Variants in SEMA5B observed in about 807,000 individuals in gnomAD.
The protein encoded by SEMA5B is semaphorin-5B.
Under a neutral mutation model 135.0 loss-of-function variants are expected in SEMA5B, and 66 were observed. The ratio of observed to expected loss-of-function variants is 0.49; its 90% CI spans 0.40 to 0.60. The LOEUF is 0.60. Among genes scored for constraint, SEMA5B ranks in the 20% least tolerant of loss-of-function variants. The pLI is 0.00. For missense variants in SEMA5B, 1,501 were observed against 1,566.3 expected (o/e 0.96, Z 0.70); for synonymous variants, 690 against 639.5 (o/e 1.08, Z -1.19).
chr3:122,989,831 A>G (rs1437550115), intron 1 of SEMA5B, among the ~76,000 whole-genome samples: 1 of 152,158 alleles, frequency 6.6e-6, no homozygotes, highest in African/African-American at 2.4e-5. Flanking sequence ...GGTCAGAAAA[A>G]GAGGAGAAGG....
intron 5 of SEMA5B, 132 bp downstream of exon 5, chr3:122,939,293 C>A: frequency 2.8e-6 from 2 of 719,684 alleles, no homozygotes; most frequent in Non-Finnish European, 2.5e-6. Context: ...AGTCCATGGC[C>A]AGTGAAAAGA....
intron 3 of SEMA5B, among the ~76,000 whole-genome samples, chr3:122,946,984 A>T (rs1353319398): frequency 6.6e-6 from 1 of 152,086 alleles, no homozygotes; most frequent in Non-Finnish European, 1.5e-5. Context: ...ATTTGCACAG[A>T]TGGAGACCTG....
At chr3:122,953,862 C>G (rs1003980958) in intron 2 of SEMA5B, among the ~76,000 whole-genome samples, 2 of 152,138 alleles carry the variant, frequency 1.3e-5, no homozygotes, top group Non-Finnish European at 2.9e-5. Context: ...AGGGGTAGGC[C>G]CCAGCAGCCT....
At chr3:122,932,243 ATTTTTTTTTTT>A (rs71136597) in intron 5 of SEMA5B, among the ~76,000 whole-genome samples, 2,218 of 85,392 alleles carry the variant, frequency 0.026, 44 homozygotes, top group Middle Eastern at 0.039. Context: ...TCTCAATATG[ATTTTTTTTTTT>A]TTTTTTTTTT....
At chr3:122,968,267 A>T (rs1001988094) in intron 1 of SEMA5B, among the ~76,000 whole-genome samples, 2 of 152,192 alleles carry the variant, frequency 1.3e-5, no homozygotes, top group African/African-American at 4.8e-5. Context: ...TTCTGCATCT[A>T]TGCCACTCCT....
chr3:122,976,727 A>C (rs1466196280), intron 1 of SEMA5B, among the ~76,000 whole-genome samples: 1 of 152,208 alleles, frequency 6.6e-6, no homozygotes, highest in African/African-American at 2.4e-5. Flanking sequence ...GACATCATAT[A>C]CATCACACAA....
chr3:122,984,648 TACGC>T (rs778857389), intron 1 of SEMA5B, among the ~76,000 whole-genome samples: 3 of 152,088 alleles, frequency 2.0e-5, no homozygotes, highest in Non-Finnish European at 2.9e-5. Context: ...GGGTAATGGG[TACGC>T]TAGAAGCCCA....
At chr3:122,965,792 G>A (rs1940791445) in intron 1 of SEMA5B, among the ~76,000 whole-genome samples, 2 of 152,344 alleles carry the variant, frequency 1.3e-5, no homozygotes, top group South Asian at 2.1e-4. Context: ...GTAAAGTGAA[G>A]AGCAGACATG....
chr3:122,942,131 TAAAAATTA>T (rs1193445909), intron 4 of SEMA5B, among the ~76,000 whole-genome samples: 1 of 152,112 alleles, frequency 6.6e-6, no homozygotes, highest in Non-Finnish European at 1.5e-5. Flanking sequence ...ATAGTTAATT[TAAAAATTA>T]AAAAATTAAA....
intron 1 of SEMA5B, among the ~76,000 whole-genome samples, chr3:123,026,841 G>C (rs1297317603): frequency 6.6e-6 from 1 of 152,218 alleles, no homozygotes; most frequent in African/African-American, 2.4e-5. Flanking sequence ...GGGAGTGCGG[G>C]GCCCTGAGCC....
chr3:122,929,089 T>C (rs771531052), intron 5 of SEMA5B, 31 bp from the exon 6 acceptor site: 4 of 1,601,338 alleles, frequency 2.5e-6, no homozygotes, highest in Non-Finnish European at 2.6e-6. Context: ...CACACAGACA[T>C]CACATGGCTG....
At chr3:122,994,261 T>G (rs926577740) in intron 1 of SEMA5B, among the ~76,000 whole-genome samples, 4 of 152,100 alleles carry the variant, frequency 2.6e-5, no homozygotes, top group African/African-American at 9.7e-5. Flanking sequence ...TAGAGGATAT[T>G]CCACAGCCTC....
At chr3:122,911,668 A>C in intron 20 of SEMA5B, 133 bp from the exon 21 acceptor site, 1 of 1,024,502 alleles carries the variant, frequency 9.8e-7, no homozygotes, top group Non-Finnish European at 1.4e-6. Flanking sequence ...GGGGGCCTTC[A>C]TTCCCCTCCC....
At chr3:122,950,141 T>C (rs1189582681) in intron 2 of SEMA5B, among the ~76,000 whole-genome samples, 1 of 152,160 alleles carries the variant, frequency 6.6e-6, no homozygotes, top group Non-Finnish European at 1.5e-5. Flanking sequence ...GCAAAGAATA[T>C]ACATACAAAC....
At chr3:123,024,089 G>C (rs1942749289) in intron 1 of SEMA5B, among the ~76,000 whole-genome samples, 1 of 152,162 alleles carries the variant, frequency 6.6e-6, no homozygotes, top group African/African-American at 2.4e-5. Flanking sequence ...TGTCTTCTTT[G>C]TCCATTCTAC....
intron 14 of SEMA5B, among the ~76,000 whole-genome samples, chr3:122,914,831 G>A (rs1318207979): frequency 1.3e-5 from 2 of 152,090 alleles, no homozygotes; most frequent in African/African-American, 4.8e-5. Flanking sequence ...AGCTAATCAG[G>A]AGGTTGAGGC....
At chr3:122,960,978 T>A (rs1576368755) in intron 2 of SEMA5B, among the ~76,000 whole-genome samples, 162 bp downstream of exon 2, 1 of 152,332 alleles carries the variant, frequency 6.6e-6, no homozygotes, top group East Asian at 1.9e-4. Context: ...TCATGTTATA[T>A]ATATGTTACC....
At chr3:122,984,094 T>C (rs1368184522) in intron 1 of SEMA5B, among the ~76,000 whole-genome samples, 1 of 152,244 alleles carries the variant, frequency 6.6e-6, no homozygotes, top group Non-Finnish European at 1.5e-5. Context: ...AACGTTTTGC[T>C]ATGGCGGGCT....
At position 122,975,919 on chromosome 3, in the gene SEMA5B, C is replaced by A. The variant is rs1370702308; in HGVS notation, c.-38-14618G>T. 2.7e-6 allele frequency: 4 copies of A among 1,503,668 alleles called. No individual in the cohort carries two copies. In the East Asian group the frequency reaches 7.4e-5, roughly 28 times the overall value. The allele number at this position is 1,503,668 out of a possible 1,614,324, so 93.1% of individuals were successfully genotyped here. A position where few individuals can be genotyped will look rare whatever the true frequency, so the allele number is the denominator to read the frequency against. Reference sequence around the variant, plus strand: ...CTGCCTCAGACTCCCTCTCCTGCCCCCTCTCTGGCCATTCCCCCTCCATCC... The same window carrying A: ...CTGCCTCAGACTCCCTCTCCTGCCCACTCTCTGGCCATTCCCCCTCCATCC... On this transcript the variant is annotated intron_variant, in intron 1 of 22. Coordinates refer to ENST00000357599, the MANE Select transcript of SEMA5B (RefSeq NM_001031702.4).
Sources: allele counts gnomAD v4.1 joint callset (sites outside exome capture counted in the v4.1 genomes callset), GRCh38; gene constraint gnomAD v4.1.1; transcripts MANE v1.5; gene names NCBI Gene and HGNC (gene_info 2026-07-23, HGNC 2026-07-21).